Variants in GRIA4 observed in about 807,000 individuals in gnomAD.
GRIA4 encodes the protein glutamate receptor 4.
GRIA4 carries 34 observed loss-of-function variants against 104.0 expected under a neutral mutation model. The observed-to-expected ratio is 0.33, with a 90% CI of 0.25 to 0.44. The LOEUF (loss-of-function observed/expected upper bound fraction) is 0.44. Among genes scored for constraint, GRIA4 ranks in the 20% least tolerant of loss-of-function variants. The probability of loss-of-function intolerance (pLI) is 1.00; values close to 1 mark genes in which losing one functional copy is unlikely to be tolerated. For missense variants in GRIA4, 750 were observed against 1,096.5 expected, an observed-to-expected ratio of 0.68 and a Z score of 4.46; for synonymous variants, 386 against 381.9, an observed-to-expected ratio of 1.01 and a Z score of -0.13.
chr11:105,784,460 T>G (rs1467472025), intron 4 of GRIA4, among the ~76,000 whole-genome samples: 1 of 152,304 alleles, frequency 6.6e-6, no homozygotes, highest in African/African-American at 2.4e-5. Context: ...AGCATTTCAT[T>G]ATTATAACTG....
intron 3 of GRIA4, among the ~76,000 whole-genome samples, chr11:105,688,480 G>A (rs1179622291): frequency 6.6e-6 from 1 of 152,092 alleles, no homozygotes; most frequent in Non-Finnish European, 1.5e-5. Flanking sequence ...AGAATGGCGT[G>A]AACCTGGGGC....
At chr11:105,682,578 A>C (rs558399716) in intron 3 of GRIA4, among the ~76,000 whole-genome samples, 1 of 152,192 alleles carries the variant, frequency 6.6e-6, no homozygotes, top group Non-Finnish European at 1.5e-5. Context: ...CTCATTTCTT[A>C]GATAGAAGTA....
intron 4 of GRIA4, among the ~76,000 whole-genome samples, chr11:105,764,246 C>T (rs1940827240): frequency 6.6e-6 from 1 of 152,156 alleles, no homozygotes; most frequent in Admixed American, 6.5e-5. Context: ...AAGTGATCCT[C>T]CTGCCTCAGC....
intron 4 of GRIA4, among the ~76,000 whole-genome samples, chr11:105,811,594 C>G (rs887209149): frequency 3.3e-5 from 5 of 152,068 alleles, no homozygotes; most frequent in African/African-American, 1.2e-4. Flanking sequence ...AAAAATGAGA[C>G]TGGGGTTGAG....
chr11:105,662,597 T>C (rs1483640094), intron 3 of GRIA4, among the ~76,000 whole-genome samples: 1 of 151,948 alleles, frequency 6.6e-6, no homozygotes, highest in Non-Finnish European at 1.5e-5. Context: ...TATATAACTA[T>C]TGAAATTTTA....
intron 3 of GRIA4, among the ~76,000 whole-genome samples, chr11:105,736,200 G>A (rs1054828503): frequency 7.2e-5 from 11 of 152,032 alleles, no homozygotes; most frequent in Admixed American, 6.6e-4. Context: ...CCCTTGTAGT[G>A]GGGTAAGTAC....
chr11:105,692,149 G>A (rs781438263), intron 3 of GRIA4, among the ~76,000 whole-genome samples: 21 of 151,474 alleles, frequency 1.4e-4, no homozygotes, highest in African/African-American at 3.9e-4. Context: ...TGACAGTGAC[G>A]ACAACAATGA....
intron 3 of GRIA4, chr11:105,614,044 T>A (rs188608929): frequency 6.6e-6 from 1 of 152,068 alleles, no homozygotes; most frequent in East Asian, 1.9e-4. Flanking sequence ...GCATTCTTTT[T>A]AATACGTAAA....
intron 4 of GRIA4, among the ~76,000 whole-genome samples, chr11:105,847,252 G>A (rs1944633171): frequency 6.6e-6 from 1 of 152,156 alleles, no homozygotes; most frequent in African/African-American, 2.4e-5. Context: ...TAGGGTTCAT[G>A]CTCCTATGAG....
chr11:105,750,434 C>A (rs571004802), intron 3 of GRIA4, among the ~76,000 whole-genome samples: 1 of 151,888 alleles, frequency 6.6e-6, no homozygotes, highest in South Asian at 2.1e-4. Context: ...AATTTATCAG[C>A]CTGAGACTAT....
intron 3 of GRIA4, among the ~76,000 whole-genome samples, chr11:105,619,274 A>T (rs1310761044): frequency 1.3e-5 from 2 of 151,972 alleles, no homozygotes; most frequent in African/African-American, 4.8e-5. Flanking sequence ...CTGTTAACAC[A>T]GATAAATCAC....
chr11:105,913,015 C>A, intron 10 of GRIA4: 1 of 940,860 alleles, frequency 1.1e-6, no homozygotes, highest in Non-Finnish European at 1.3e-6. Context: ...TGTTATTGTT[C>A]TTCCAGTTGT....
chr11:105,963,968 G>C (rs911598862), intron 14 of GRIA4, among the ~76,000 whole-genome samples: 3 of 151,996 alleles, frequency 2.0e-5, no homozygotes, highest in South Asian at 2.1e-4. Flanking sequence ...AATGTTTAAG[G>C]CTAAAATAAA....
At chr11:105,727,369 G>C (rs1938279584) in intron 3 of GRIA4, among the ~76,000 whole-genome samples, 1 of 152,054 alleles carries the variant, frequency 6.6e-6, no homozygotes, top group Non-Finnish European at 1.5e-5. Context: ...AAAACCTCAA[G>C]AAATATGGGA....
chr11:105,735,648 T>C (rs1044335385), intron 3 of GRIA4, among the ~76,000 whole-genome samples: 1 of 152,196 alleles, frequency 6.6e-6, no homozygotes, highest in Non-Finnish European at 1.5e-5. Flanking sequence ...TAAGGACATC[T>C]GCTTTACTTT....
intron 3 of GRIA4, among the ~76,000 whole-genome samples, chr11:105,623,229 A>C (rs1022699907): frequency 6.6e-6 from 1 of 151,842 alleles, no homozygotes; most frequent in Non-Finnish European, 1.5e-5. Flanking sequence ...ATAGATACCC[A>C]GTAGTGGGAT....
chr11:105,688,156 C>CTATATCTCTATCTCTATCTATCTA (rs373564678), intron 3 of GRIA4, among the ~76,000 whole-genome samples: 2 of 72,744 alleles, frequency 2.7e-5, no homozygotes, highest in South Asian at 1.0e-3. Context: ...ATATCTATAT[C>CTATATCTCTATCTCTATCTATCTA]TCTATCTATC....
Position 105,961,054 on chromosome 11 carries a change from C to T in GRIA4, c.2295-10860C>T, listed in dbSNP as rs1948733148. ...TCTGAACGCCACAGCTTCCAGTCAG[C>T]CATCTTGGCCCCGCCCATCCGATCT... On this transcript the variant is annotated intron_variant, in intron 14 of 16. Coordinates refer to ENST00000282499, the MANE Select transcript of GRIA4 (RefSeq NM_000829.4). 1.3e-5 allele frequency among the ~76,000 whole-genome samples: 2 copies of T among 152,144 alleles called. 1 individual carries two copies. The highest frequency in any genetic ancestry group is 1.3e-4 in the Admixed American group (2 of 15,278).
At chr11:105,872,404 T>A (rs1246688926) in intron 5 of GRIA4, among the ~76,000 whole-genome samples, 2 of 151,922 alleles carry the variant, frequency 1.3e-5, no homozygotes, top group Non-Finnish European at 2.9e-5. Flanking sequence ...GCTCACACAG[T>A]CCTCTACACT....
Sources: allele counts gnomAD v4.1 joint callset (sites outside exome capture counted in the v4.1 genomes callset), GRCh38; gene constraint gnomAD v4.1.1; transcripts MANE v1.5; gene names NCBI Gene and HGNC (gene_info 2026-07-23, HGNC 2026-07-21).